Variants in ADGRB3 observed in about 807,000 individuals in gnomAD.
The protein encoded by ADGRB3 is brain-specific angiogenesis inhibitor 3.
In ADGRB3, 37 loss-of-function variants were observed where a neutral mutation model predicts 193.4. The observed-to-expected ratio is 0.19, with a 90% CI of 0.15 to 0.25. The LOEUF is 0.25. Ranked by LOEUF, ADGRB3 falls within the 10% of genes least tolerant of loss-of-function variation. The pLI, the probability that ADGRB3 is intolerant of heterozygous loss-of-function variation, is 1.00. For synonymous variants in ADGRB3, 690 were observed against 644.2 expected (o/e 1.07, Z -1.08); for missense variants, 1,637 against 1,852.9 (o/e 0.88, Z 2.14).
At position 69,233,312 on chromosome 6, in the gene ADGRB3, T is replaced by G. The variant is rs778094899; in HGVS notation, c.2503T>G (p.Ser835Ala). 1 of 1,613,910 alleles carries G rather than the reference T, an allele frequency of 6.2e-7. No individual in the cohort carries two copies. Among genetic ancestry groups the G allele is most frequent in the Admixed American group, 1.7e-5 (1 of 60,004 alleles). Residue 835 changes from serine to alanine, a missense_variant, in exon 18 of 32, where the codon TCC (serine) becomes GCC (alanine). This residue lies in a region of ADGRB3 where 641 missense variants were observed against 673.9 expected (regional missense o/e 0.95). Transcript: ENST00000370598. Reference sequence around the variant, plus strand: ...CAGGAACGAGTCTTTGGGAACGTGGTCCACCCAGGGATGTAAAACTGTGCT... The same window carrying G: ...CAGGAACGAGTCTTTGGGAACGTGGGCCACCCAGGGATGTAAAACTGTGCT... ...SKTNESLGTW[S>A]TQGCKTVLTD...
At chr6:69,324,750 C>T (rs1768531886) in intron 20 of ADGRB3, 122 bp from the exon 21 acceptor site, 2 of 1,096,772 alleles carry the variant, frequency 1.8e-6, no homozygotes, top group Non-Finnish European at 2.6e-6. Flanking sequence ...ACTCTTGTCA[C>T]TGAGGAGAAG....
chr6:69,097,995 A>G (rs1772932523), intron 17 of ADGRB3, among the ~76,000 whole-genome samples: 1 of 152,208 alleles, frequency 6.6e-6, no homozygotes, highest in African/African-American at 2.4e-5. Flanking sequence ...TAATTTAGGT[A>G]AAAAATAGGT....
intron 17 of ADGRB3, 137 bp from the exon 18 acceptor site, chr6:69,233,153 A>G (rs1450272119): frequency 4.8e-6 from 6 of 1,249,940 alleles, no homozygotes; most frequent in East Asian, 2.4e-5. Context: ...CATCCTGTTC[A>G]ACAACAAGTA....
chr6:69,128,230 A>G (rs985895762), intron 17 of ADGRB3, among the ~76,000 whole-genome samples: 1 of 152,112 alleles, frequency 6.6e-6, no homozygotes, highest in African/African-American at 2.4e-5. Flanking sequence ...ATAAGAGAGT[A>G]TCTAAGATCT....
intron 3 of ADGRB3, among the ~76,000 whole-genome samples, chr6:68,691,876 G>A (rs551507450): frequency 3.3e-5 from 5 of 151,252 alleles, no homozygotes; most frequent in South Asian, 2.1e-4. Context: ...GTATGCAATC[G>A]AGATACTTAA....
intron 8 of ADGRB3, among the ~76,000 whole-genome samples, chr6:68,970,300 T>C (rs1768520866): frequency 6.6e-6 from 1 of 152,010 alleles, no homozygotes; most frequent in African/African-American, 2.4e-5. Context: ...CTTTTTTTTT[T>C]TTTAAATGGA....
intron 3 of ADGRB3, among the ~76,000 whole-genome samples, chr6:68,857,263 G>C (rs953717148): frequency 2.0e-5 from 3 of 152,328 alleles, no homozygotes; most frequent in East Asian, 3.9e-4. Context: ...GAGGGCCACT[G>C]TCCTCCAGAC....
intron 17 of ADGRB3, among the ~76,000 whole-genome samples, chr6:69,190,535 A>G (rs1452481435): frequency 1.3e-5 from 2 of 152,132 alleles, no homozygotes; most frequent in Non-Finnish European, 2.9e-5. Flanking sequence ...GTAAAGTAAA[A>G]AAGTTACAGT....
At chr6:69,142,049 A>C (rs1350142531) in intron 17 of ADGRB3, among the ~76,000 whole-genome samples, 1 of 152,242 alleles carries the variant, frequency 6.6e-6, no homozygotes, top group Admixed American at 6.5e-5. Context: ...AAGATGAGCA[A>C]TCATTAACAA....
intron 17 of ADGRB3, among the ~76,000 whole-genome samples, chr6:69,106,507 A>T (rs1020056288): frequency 3.4e-4 from 52 of 152,242 alleles, no homozygotes; most frequent in Admixed American, 2.5e-3. Flanking sequence ...TAAGAAAGTA[A>T]ATCACCTTTT....
At chr6:69,346,418 C>T (rs1247902159) in intron 26 of ADGRB3, among the ~76,000 whole-genome samples, 2 of 152,084 alleles carry the variant, frequency 1.3e-5, no homozygotes, top group East Asian at 1.9e-4. Flanking sequence ...GAACTGAGGC[C>T]GACCTATGGA....
intron 16 of ADGRB3, among the ~76,000 whole-genome samples, chr6:69,067,470 T>C (rs536442583): frequency 1.3e-5 from 2 of 152,236 alleles, no homozygotes; most frequent in African/African-American, 4.8e-5. Context: ...TAGATAAGCA[T>C]GAGAAACAAT....
chr6:69,309,357 A>G (rs1178217361), intron 20 of ADGRB3, among the ~76,000 whole-genome samples: 1 of 151,728 alleles, frequency 6.6e-6, no homozygotes, highest in East Asian at 1.9e-4. Flanking sequence ...TTGTATTATT[A>G]TGAGATGCAA....
At chr6:68,976,898 A>G (rs1301899306) in intron 10 of ADGRB3, among the ~76,000 whole-genome samples, 4 of 151,850 alleles carry the variant, frequency 2.6e-5, no homozygotes, top group Admixed American at 6.6e-5. Context: ...TTATTTGGCT[A>G]TATACAGCCT....
At chr6:69,365,423 C>T (rs538749916) in intron 29 of ADGRB3, among the ~76,000 whole-genome samples, 1 of 152,170 alleles carries the variant, frequency 6.6e-6, no homozygotes, top group South Asian at 2.1e-4. Flanking sequence ...CTAGGAGGTA[C>T]ACTGACCTCT....
intron 3 of ADGRB3, among the ~76,000 whole-genome samples, chr6:68,753,992 A>G (rs750711333): frequency 6.6e-6 from 1 of 152,172 alleles, no homozygotes; most frequent in Non-Finnish European, 1.5e-5. Flanking sequence ...CTGAGGTAAC[A>G]CCTAGAAATA....
At chr6:69,234,226 A>G (rs1304685755) in intron 18 of ADGRB3, among the ~76,000 whole-genome samples, 2 of 152,174 alleles carry the variant, frequency 1.3e-5, no homozygotes, top group African/African-American at 2.4e-5. Flanking sequence ...CAAACTCTCA[A>G]TGTTAACAAT....
chr6:68,661,131 A>T (rs1768621214), intron 3 of ADGRB3, among the ~76,000 whole-genome samples: 1 of 150,182 alleles, frequency 6.7e-6, no homozygotes, highest in African/African-American at 2.4e-5. Context: ...ATTACATGAG[A>T]TAGTAATGGC....
At chr6:69,163,312 A>G (rs1217080599) in intron 17 of ADGRB3, among the ~76,000 whole-genome samples, 2 of 152,134 alleles carry the variant, frequency 1.3e-5, no homozygotes, top group Non-Finnish European at 2.9e-5. Flanking sequence ...TCAGACATCC[A>G]AAAGTATATA....
Sources: allele counts gnomAD v4.1 joint callset (sites outside exome capture counted in the v4.1 genomes callset), GRCh38; gene constraint gnomAD v4.1.1; regional missense constraint gnomAD v4.1.1; transcripts MANE v1.5; gene names NCBI Gene and HGNC (gene_info 2026-07-23, HGNC 2026-07-21).